The following TARS3 variants were observed in gnomAD, a reference collection of about 807,000 sequenced individuals.
TARS3 encodes threonine--tRNA ligase 2, cytoplasmic.
A neutral mutation model predicts 103.5 loss-of-function variants in TARS3; 94 were observed. That is an observed-to-expected ratio of 0.91 (90% CI 0.77 to 1.08). The LOEUF (loss-of-function observed/expected upper bound fraction) is 1.08. Ranked by LOEUF, TARS3 falls within the 50% of genes least tolerant of loss-of-function variation. The pLI, the probability that TARS3 is intolerant of heterozygous loss-of-function variation, is 0.00. For synonymous variants in TARS3, 416 were observed against 355.4 expected (o/e 1.17, Z -1.92); for missense variants, 952 against 995.2 (o/e 0.96, Z 0.58).
intron 15 of TARS3, among the ~76,000 whole-genome samples, chr15:101,670,517 T>C (rs1357340036): frequency 1.3e-5 from 2 of 152,140 alleles, no homozygotes; most frequent in Non-Finnish European, 1.5e-5. Context: ...AACCTGACAA[T>C]ATCAAGTACT....
intron 12 of TARS3, among the ~76,000 whole-genome samples, chr15:101,680,973 T>C (rs1307603784): frequency 6.6e-6 from 1 of 152,194 alleles, no homozygotes; most frequent in African/African-American, 2.4e-5. Flanking sequence ...AATTTTTTCA[T>C]ATGGTATGAG....
intron 12 of TARS3, among the ~76,000 whole-genome samples, chr15:101,680,402 T>C (rs1181472021): frequency 6.6e-6 from 1 of 152,220 alleles, no homozygotes; most frequent in Admixed American, 6.5e-5. Context: ...CATCTGTTGG[T>C]TGCCAAGTCT....
At chr15:101,717,716 A>G (rs1215693584) in intron 3 of TARS3, among the ~76,000 whole-genome samples, 2 of 152,228 alleles carry the variant, frequency 1.3e-5, no homozygotes, top group East Asian at 3.8e-4. Context: ...ACAAGATGGG[A>G]GAAATCTGGG....
chr15:101,671,660 G>A lies in TARS3; in HGVS notation c.1866+11C>T. The A allele has an allele frequency of 2.5e-6, 4 of 1,613,716 alleles. No homozygotes were observed. The highest frequency in any genetic ancestry group is 3.4e-6 in the Non-Finnish European group (4 of 1,179,766). On this transcript the variant is annotated intron_variant, in intron 14 of 18. Transcript: ENST00000335968. ...TACATTTTGCTGTTTTGAAGCATGT[G>A]GTCGACTCACTTTAGGGCCATAAAA...
intron 5 of TARS3, among the ~76,000 whole-genome samples, chr15:101,711,166 G>T (rs1899847914): frequency 2.0e-5 from 3 of 152,226 alleles, no homozygotes; most frequent in African/African-American, 7.2e-5. Flanking sequence ...TTCAATTCTG[G>T]TCTTAATTAA....
At chr15:101,660,540 A>G (rs952296313) in intron 16 of TARS3, among the ~76,000 whole-genome samples, 5 of 152,374 alleles carry the variant, frequency 3.3e-5, no homozygotes, top group Non-Finnish European at 5.9e-5. Context: ...ATGGCAGCAA[A>G]GAAGAGCAAA....
intron 16 of TARS3, among the ~76,000 whole-genome samples, chr15:101,660,845 T>A (rs1005121311): frequency 6.6e-6 from 1 of 152,182 alleles, no homozygotes; most frequent in African/African-American, 2.4e-5. Flanking sequence ...AGCAGCTGAT[T>A]TTAACAGAAT....
rs75837796 is a variant in TARS3 at position 101,659,614 on chromosome 15, A to G, written c.2073-1757T>C. ...CCTCCTGTCTCCCTCTCCATCTCCT[A>G]TTTCACTAGTTCTCTCTCTTTTCTT... On this transcript the variant is annotated intron_variant, in intron 16 of 18. Transcript: ENST00000335968. 2.1e-3 allele frequency among the ~76,000 whole-genome samples: 317 copies of G among 152,146 alleles called. 1 individual carries two copies. The highest frequency in any genetic ancestry group is 7.0e-3 in the African/African-American group (292 of 41,498).
chr15:101,720,252 T>C (rs193295052), intron 3 of TARS3, among the ~76,000 whole-genome samples: 18 of 152,338 alleles, frequency 1.2e-4, no homozygotes, highest in Admixed American at 3.3e-4. Context: ...TTTATTTACA[T>C]GGCATTAATA....
At chr15:101,691,985 G>A (rs183598385) in intron 10 of TARS3, among the ~76,000 whole-genome samples, 1 of 152,200 alleles carries the variant, frequency 6.6e-6, no homozygotes. Context: ...TCAGATCATG[G>A]GATTTCTTGG....
chr15:101,675,255 C>T (rs1897974939), intron 13 of TARS3, among the ~76,000 whole-genome samples: 1 of 152,106 alleles, frequency 6.6e-6, no homozygotes. Context: ...TACAGTCGGA[C>T]TAAGATGACT....
chr15:101,668,708 G>A (rs536751729), intron 15 of TARS3, among the ~76,000 whole-genome samples: 14 of 152,234 alleles, frequency 9.2e-5, no homozygotes, highest in African/African-American at 3.1e-4. Flanking sequence ...TATATATACC[G>A]TCATGCACTG....
At position 101,658,595 on chromosome 15, in the gene TARS3, TGGTGGCCTTACACC is replaced by T. The variant is rs373327900; in HGVS notation, c.2073-752_2073-739del. On this transcript the variant is annotated intron_variant, in intron 16 of 18. Coordinates refer to ENST00000335968, the MANE Select transcript of TARS3 (RefSeq NM_152334.3). Reference sequence around the variant, plus strand: ...GTGATGGACTGTCCTGTGCCTTGACTGGTGGCCTTACACCATCTGTCCGTGTGACACAGCTAAAT... The same window carrying T: ...GTGATGGACTGTCCTGTGCCTTGACTATCTGTCCGTGTGACACAGCTAAAT... 3.9e-3 allele frequency among the ~76,000 whole-genome samples: 591 copies of T among 152,302 alleles called. 4 individuals carry two copies. Among genetic ancestry groups the T allele is most frequent in the African/African-American group, 0.013 (551 of 41,554 alleles).
chr15:101,723,154 C>G lies in TARS3; in HGVS notation c.308G>C (p.Ser103Thr), dbSNP rs1479931212. Residue 103 changes from serine to threonine, a missense_variant, in exon 2 of 19, where the codon AGT becomes ACT. By Grantham distance (58) the Ser-to-Thr change is moderately conservative. Transcript: ENST00000335968. ...AQEAGAQPPPSQSQDKDMKKK... is the reference protein window; with the variant it reads ...AQEAGAQPPPTQSQDKDMKKK... The stretch of plus-strand genomic sequence containing the variant: ...TTTCATGTCCTTGTCTTGGCTTTGA[C>G]TAGGAGGAGGCTGAAAGATAAATTA... 3 of 1,613,788 alleles carry G rather than the reference C, an allele frequency of 1.9e-6. No individual in the cohort carries two copies. Among genetic ancestry groups the G allele is most frequent in the Admixed American group, 1.7e-5 (1 of 59,988 alleles).
chr15:101,721,091 T>G, intron 3 of TARS3, 35 bp downstream of exon 3: 27 of 1,557,658 alleles, frequency 1.7e-5, no homozygotes, highest in Non-Finnish European at 2.4e-5. Context: ...GTATAATTAC[T>G]TAAGATTGAA....
chr15:101,704,769 CG>C (rs1242778590), intron 7 of TARS3, among the ~76,000 whole-genome samples: 1 of 150,954 alleles, frequency 6.6e-6, no homozygotes, highest in Non-Finnish European at 1.5e-5. Context: ...TCAATGTTGA[CG>C]TAAGTAAGGT....
rs1387279181 is a variant in TARS3, at chr15:101,665,584, A to C, written c.1968-3768T>G. The stretch of plus-strand genomic sequence containing the variant: ...CAACTTAGGAACTCAAATTTGTTCA[A>C]CACTCTAAACAACATACAGTGTAGA... On this transcript the variant is annotated intron_variant, in intron 15 of 18. Transcript: ENST00000335968. Among the ~76,000 whole-genome samples the C allele has an allele frequency of 2.0e-5, 3 of 152,238 alleles. No homozygotes were observed. The South Asian group carries it at 6.2e-4, about 32-fold the overall frequency.
At chr15:101,704,982 C>A (rs1899480937) in intron 7 of TARS3, among the ~76,000 whole-genome samples, 1 of 152,108 alleles carries the variant, frequency 6.6e-6, no homozygotes, top group Non-Finnish European at 1.5e-5. Flanking sequence ...GGGAGAATAT[C>A]TGTGGTTATA....
chr15:101,687,299 A>C (rs1475081169), intron 10 of TARS3, among the ~76,000 whole-genome samples: 1 of 152,170 alleles, frequency 6.6e-6, no homozygotes, highest in East Asian at 1.9e-4. Flanking sequence ...GCTACTCAGG[A>C]GGCTGAAGCA....
Sources: allele counts gnomAD v4.1 joint callset (sites outside exome capture counted in the v4.1 genomes callset), GRCh38; gene constraint gnomAD v4.1.1; transcripts MANE v1.5; gene names NCBI Gene and HGNC (gene_info 2026-07-23, HGNC 2026-07-21).